The following PTPRJ variants were observed in gnomAD, a reference collection of about 807,000 sequenced individuals.
The protein encoded by PTPRJ is receptor-type tyrosine-protein phosphatase eta.
PTPRJ carries 129 observed loss-of-function variants against 141.3 expected under a neutral mutation model. The observed-to-expected ratio is 0.91, with a 90% CI of 0.79 to 1.06. The LOEUF (loss-of-function observed/expected upper bound fraction) is 1.06. Ranked by LOEUF, PTPRJ falls within the 50% of genes least tolerant of loss-of-function variation. The pLI, the probability that PTPRJ is intolerant of heterozygous loss-of-function variation, is 0.00. For missense variants in PTPRJ, 1,601 were observed against 1,679.7 expected (o/e 0.95, Z 0.82); for synonymous variants, 610 against 640.5 (o/e 0.95, Z 0.72).
intron 1 of PTPRJ, among the ~76,000 whole-genome samples, chr11:48,088,010 T>A (rs1855761938): frequency 6.6e-6 from 1 of 152,172 alleles, no homozygotes; most frequent in Admixed American, 6.5e-5. Context: ...CTCTTGGTGA[T>A]CTCTCTCTTT....
At chr11:48,013,306 A>G (rs1356278338) in intron 1 of PTPRJ, among the ~76,000 whole-genome samples, 4 of 151,164 alleles carry the variant, frequency 2.6e-5, no homozygotes, top group African/African-American at 7.3e-5. Context: ...ATGCCATACC[A>G]GGTATGGACC....
chr11:48,107,253 GAAA>G lies in PTPRJ; in HGVS notation c.97-2796_97-2794del, dbSNP rs1005676924. Among the ~76,000 whole-genome samples the G allele has an allele frequency of 8.4e-5, 12 of 143,074 alleles. No homozygotes were observed. In the East Asian group the frequency reaches 2.4e-3, roughly 29 times the overall value. 93.9% of individuals were successfully genotyped at this position (143,074 alleles called of 152,430 possible). A position where few individuals can be genotyped will look rare whatever the true frequency, so the allele number is the denominator to read the frequency against. On this transcript the variant is annotated intron_variant, in intron 1 of 24. Transcript: ENST00000418331. ...GGCAGTGGTTTTTCCTGCTGGCAAG[GAAA>G]AAAAAAAAGAGAAAAGAAAGAGTTC...
intron 3 of PTPRJ, among the ~76,000 whole-genome samples, chr11:48,120,239 T>A (rs61915914): frequency 0.031 from 4,652 of 152,290 alleles, 106 homozygotes; most frequent in Non-Finnish European, 0.046. Flanking sequence ...AGCAGGTCTT[T>A]AATCCCAGAT....
intron 10 of PTPRJ, among the ~76,000 whole-genome samples, chr11:48,137,607 A>G (rs1231860270): frequency 1.3e-5 from 2 of 152,170 alleles, no homozygotes; most frequent in Non-Finnish European, 2.9e-5. Context: ...ATCTGAATGA[A>G]GGGAAGGAGC....
chr11:48,041,103 T>A (rs7114873), intron 1 of PTPRJ, among the ~76,000 whole-genome samples: 1 of 152,102 alleles, frequency 6.6e-6, no homozygotes, highest in African/African-American at 2.4e-5. Context: ...GTACATCCTC[T>A]TTCTGTGTCA....
chr11:48,136,420 A>G (rs988228497), intron 9 of PTPRJ, 124 bp downstream of exon 9: 35 of 1,210,452 alleles, frequency 2.9e-5, no homozygotes, highest in Non-Finnish European at 3.8e-5. Flanking sequence ...GCTGAAGTTG[A>G]AAACATTGGT....
At chr11:48,007,341 C>T (rs1011902754) in intron 1 of PTPRJ, among the ~76,000 whole-genome samples, 15 of 151,680 alleles carry the variant, frequency 9.9e-5, no homozygotes, top group Admixed American at 3.9e-4. Flanking sequence ...GATCTCCTGA[C>T]GTCGTGATCC....
At chr11:48,056,801 A>C (rs2134254763) in intron 1 of PTPRJ, among the ~76,000 whole-genome samples, 1 of 152,302 alleles carries the variant, frequency 6.6e-6, no homozygotes, top group East Asian at 1.9e-4. Context: ...AAAATACAAA[A>C]GAATTAGCTG....
chr11:48,009,101 G>A (rs1007815949), intron 1 of PTPRJ, among the ~76,000 whole-genome samples: 1 of 152,170 alleles, frequency 6.6e-6, no homozygotes, highest in African/African-American at 2.4e-5. Context: ...GGGATGAACC[G>A]TGTGTGGGAT....
chr11:47,986,088 T>A (rs1854044616), intron 1 of PTPRJ, among the ~76,000 whole-genome samples: 1 of 152,196 alleles, frequency 6.6e-6, no homozygotes, highest in Non-Finnish European at 1.5e-5. Context: ...TCCTTCCAAG[T>A]AGCCAGGACT....
chr11:48,116,403 T>G (rs914492447), intron 3 of PTPRJ, among the ~76,000 whole-genome samples: 1 of 152,220 alleles, frequency 6.6e-6, no homozygotes, highest in African/African-American at 2.4e-5. Flanking sequence ...GCACCCAGCA[T>G]TGGAATGCCT....
intron 1 of PTPRJ, among the ~76,000 whole-genome samples, chr11:48,026,996 C>CTTTTT (rs1206503872): frequency 7.9e-5 from 9 of 113,230 alleles, no homozygotes; most frequent in Non-Finnish European, 1.2e-4. Context: ...TTGGAATACC[C>CTTTTT]TTTTTTTTTT....
At chr11:48,008,774 A>G (rs995086294) in intron 1 of PTPRJ, among the ~76,000 whole-genome samples, 1 of 151,830 alleles carries the variant, frequency 6.6e-6, no homozygotes, top group African/African-American at 2.4e-5. Context: ...CATGTTGGCC[A>G]GGCTGATCTA....
chr11:48,057,857 A>C (rs907582127), intron 1 of PTPRJ, among the ~76,000 whole-genome samples: 4 of 151,910 alleles, frequency 2.6e-5, no homozygotes, highest in African/African-American at 9.7e-5. Context: ...ACCACAGTTC[A>C]TGACTGCTTC....
intron 1 of PTPRJ, among the ~76,000 whole-genome samples, chr11:48,042,452 G>C (rs958783954): frequency 1.3e-5 from 2 of 152,110 alleles, no homozygotes; most frequent in Admixed American, 1.3e-4. Context: ...CTGTGTGACA[G>C]GGAAAGCATG....
chr11:48,061,462 T>C (rs1319500084), intron 1 of PTPRJ, among the ~76,000 whole-genome samples: 1 of 152,178 alleles, frequency 6.6e-6, no homozygotes. Flanking sequence ...GCTGCAGTAA[T>C]GGTTCTGCTG....
intron 1 of PTPRJ, among the ~76,000 whole-genome samples, chr11:47,984,362 C>A (rs539350375): frequency 1.3e-5 from 2 of 152,108 alleles, no homozygotes; most frequent in Non-Finnish European, 2.9e-5. Flanking sequence ...TCATTCACTT[C>A]TTGGGCTAGG....
At chr11:48,056,113 G>A (rs1223086195) in intron 1 of PTPRJ, among the ~76,000 whole-genome samples, 1 of 152,176 alleles carries the variant, frequency 6.6e-6, no homozygotes, top group Non-Finnish European at 1.5e-5. Context: ...ACGCATTGTG[G>A]AGCTTTTTTC....
At chr11:48,163,706 T>C in intron 23 of PTPRJ, 88 bp downstream of exon 23, 1 of 1,373,388 alleles carries the variant, frequency 7.3e-7, no homozygotes, top group Non-Finnish European at 1.0e-6. Context: ...TAAGAGGGAA[T>C]GTAATAGGCA....
Sources: allele counts gnomAD v4.1 joint callset (sites outside exome capture counted in the v4.1 genomes callset), GRCh38; gene constraint gnomAD v4.1.1; transcripts MANE v1.5; gene names NCBI Gene and HGNC (gene_info 2026-07-23, HGNC 2026-07-21).